Variants in FDXR observed in about 807,000 individuals in gnomAD.
FDXR encodes ferredoxin reductase.
A neutral mutation model predicts 58.3 loss-of-function variants in FDXR; 38 were observed. That is an observed-to-expected ratio of 0.65 (90% CI 0.50 to 0.85). The LOEUF is 0.85. Among genes scored for constraint, FDXR ranks in the 40% least tolerant of loss-of-function variants. The pLI is 0.00. For missense variants in FDXR, 624 were observed against 671.0 expected, an observed-to-expected ratio of 0.93 and a Z score of 0.77; for synonymous variants, 275 against 273.8, an observed-to-expected ratio of 1.00 and a Z score of -0.04.
intron 10 of FDXR, 103 bp downstream of exon 10, chr17:74,863,793 T>G: frequency 1.4e-6 from 2 of 1,424,118 alleles, no homozygotes; most frequent in Non-Finnish European, 1.9e-6. Context: ...TGCAGAAGCT[T>G]CTCAGTACAT....
intron 2 of FDXR, among the ~76,000 whole-genome samples, chr17:74,869,735 G>A (rs551109210): frequency 6.6e-6 from 1 of 152,080 alleles, no homozygotes; most frequent in East Asian, 1.9e-4. Context: ...CTCCACATTC[G>A]AATGTCAGGT....
chr17:74,869,384 A>G (rs1268620071), intron 2 of FDXR, among the ~76,000 whole-genome samples: 1 of 152,152 alleles, frequency 6.6e-6, no homozygotes, highest in African/African-American at 2.4e-5. Context: ...TCCCAGCGAA[A>G]CCTGCCTCCA....
chr17:74,865,661 C>T lies in FDXR; in HGVS notation c.609+58G>A, dbSNP rs992934498. The stretch of plus-strand genomic sequence containing the variant: ...AAGGCCTGAACCCTGCAGACAAGGG[C>T]ACTCTCTCCTCAGGGTGACCCCACC... On this transcript the variant is annotated intron_variant, in intron 6 of 11. Coordinates refer to ENST00000293195, the MANE Select transcript of FDXR (RefSeq NM_024417.5). 17 of 1,189,362 alleles carry T rather than the reference C, an allele frequency of 1.4e-5. No individual in the cohort carries two copies. In the Middle Eastern group the frequency reaches 1.6e-3, roughly 114 times the overall value. 73.7% of individuals were successfully genotyped at this position (1,189,362 alleles called of 1,614,324 possible). A position where few individuals can be genotyped will look rare whatever the true frequency, so the allele number is the denominator to read the frequency against.
At chr17:74,871,001 C>T (rs1032341258) in intron 2 of FDXR, among the ~76,000 whole-genome samples, 3 of 152,008 alleles carry the variant, frequency 2.0e-5, no homozygotes. Flanking sequence ...TGGGGTTTCA[C>T]CACGTTGGCC....
At position 74,864,464 on chromosome 17, in the gene FDXR, G is replaced by C. The variant is rs2038095526; in HGVS notation, c.802+16C>G. 6.2e-7 allele frequency: 1 copy of C among 1,612,224 alleles called. No individual in the cohort carries two copies. Among genetic ancestry groups the C allele is most frequent in the Non-Finnish European group, 8.5e-7 (1 of 1,178,344 alleles). Reference sequence around the variant, plus strand: ...CCTCTCCCTAGTAGTTGGGGGGCCAGGCCAGGGCCCCTCACCCTTGATCTT... The same window carrying C: ...CCTCTCCCTAGTAGTTGGGGGGCCACGCCAGGGCCCCTCACCCTTGATCTT... On this transcript the variant is annotated intron_variant, in intron 8 of 11. Transcript: ENST00000293195.
At chr17:74,868,166 T>A in intron 2 of FDXR, 7 of 210,630 alleles carry the variant, frequency 3.3e-5, no homozygotes, top group East Asian at 1.1e-4. Flanking sequence ...CCTCTCTCCA[T>A]CCCAGGCCAG....
At chr17:74,871,975 T>G in intron 2 of FDXR, 61 bp downstream of exon 2, 31 of 1,337,964 alleles carry the variant, frequency 2.3e-5, no homozygotes, top group Non-Finnish European at 2.9e-5. Context: ...CCAAAGCGGG[T>G]GAGGCTTGCC....
Position 74,865,806 on chromosome 17 carries a change from C to A in FDXR, c.522G>T (p.Leu174=), listed in dbSNP as rs1340414613. The change falls in exon 6 of 12, where the codon CTG becomes CTT. Residue 174 remains leucine (L), a synonymous_variant. Coordinates refer to ENST00000293195, the MANE Select transcript of FDXR (RefSeq NM_024417.5). The part of the protein sequence containing the change: ...LPENQELEPD[L]SCDTAVILGQ... ...CCAGAATCACGGCTGTGTCACAGCT[C>A]AGGTCTGGCTCCAGCTGGAGGGGAA... 1.9e-6 allele frequency: 3 copies of A among 1,613,388 alleles called. No homozygotes were observed. The highest frequency in any genetic ancestry group is 2.5e-6 in the Non-Finnish European group (3 of 1,179,800).
At chr17:74,870,797 CTTTT>C (rs200476203) in intron 2 of FDXR, among the ~76,000 whole-genome samples, 1 of 88,430 alleles carries the variant, frequency 1.1e-5, no homozygotes, top group Non-Finnish European at 2.1e-5. Flanking sequence ...CACTGTCTCT[CTTTT>C]TTTTTTTTTT....
In FDXR at chr17:74,865,775, C is replaced by A; in HGVS notation, c.553G>T (p.Gly185Trp). 1 of 1,613,794 alleles carries A rather than the reference C, an allele frequency of 6.2e-7. No individual in the cohort carries two copies. The highest frequency in any genetic ancestry group is 8.5e-7 in the Non-Finnish European group (1 of 1,179,982). Residue 185 changes from glycine (G) to tryptophan (W), a missense_variant, in exon 6 of 12, where the codon GGG becomes TGG. Transcript: ENST00000293195. ...CGGGCCACGTCCAGAGCCACGTTCC[C>A]CTGCCCCAGAATCACGGCTGTGTCA... ...SCDTAVILGQ[G>W]NVALDVARIL... is the part of the protein sequence containing the mutation.
chr17:74,871,101 C>A (rs779579590), intron 2 of FDXR, among the ~76,000 whole-genome samples: 1 of 152,154 alleles, frequency 6.6e-6, no homozygotes, highest in Non-Finnish European at 1.5e-5. Flanking sequence ...CCTGGGCTTC[C>A]GGCCCAGGAA....
chr17:74,872,516 C>T lies in FDXR; in HGVS notation c.79+350G>A, dbSNP rs117840207. ...AACCCCTCTCTCTCTCCACAAAACG[C>T]TATATTGCCCATATAGACCCGTCTT... is the stretch of plus-strand genomic sequence containing the variant. On this transcript the variant is annotated intron_variant, in intron 1 of 11. Transcript: ENST00000293195. The T allele has an allele frequency of 4.0e-5, 25 of 618,114 alleles. No individual in the cohort carries two copies. In the East Asian group the frequency reaches 6.7e-4, roughly 16 times the overall value. The allele number at this position is 618,114 out of a possible 1,614,324, so 38.3% of individuals were successfully genotyped here.
chr17:74,862,820 G>T lies in FDXR; in HGVS notation c.1473C>A (p.His491Gln). Residue 491 changes from histidine to glutamine, a missense_variant, in exon 12 of 12, where the codon CAC becomes CAA. Coordinates refer to ENST00000293195, the MANE Select transcript of FDXR (RefSeq NM_024417.5). Reference sequence around the variant, plus strand: ...GGGGCCGGGGCTGGGGCTGGGCTCAGTGGCCCAGGAGGCGCAGCATCTCCT... The same window carrying T: ...GGGGCCGGGGCTGGGGCTGGGCTCATTGGCCCAGGAGGCGCAGCATCTCCT... ...DPQEMLRLLGH is the reference protein window; with the variant it reads ...DPQEMLRLLGQ The T allele has an allele frequency of 6.2e-7, 1 of 1,609,360 alleles. No individual in the cohort carries two copies. Among genetic ancestry groups the T allele is most frequent in the Admixed American group, 1.7e-5 (1 of 59,996 alleles).
intron 2 of FDXR, among the ~76,000 whole-genome samples, chr17:74,869,243 G>A (rs2038293609): frequency 6.6e-6 from 1 of 152,212 alleles, no homozygotes; most frequent in Non-Finnish European, 1.5e-5. Flanking sequence ...ATCCTTCGGG[G>A]TGTTTAACAT....
At chr17:74,865,074 G>A in intron 6 of FDXR, 143 bp from the exon 7 acceptor site, 1 of 1,107,576 alleles carries the variant, frequency 9.0e-7, no homozygotes, top group East Asian at 2.5e-5. Context: ...GCCAGATGGA[G>A]CATTGCTGCC....
intron 2 of FDXR, chr17:74,867,104 C>T (rs943614913): frequency 1.6e-5 from 13 of 822,404 alleles, no homozygotes; most frequent in East Asian, 8.2e-5. Context: ...GTCAGGAGTT[C>T]GAGACCAGCC....
In FDXR at chr17:74,864,346, C is replaced by T. The variant is rs758443678; in HGVS notation, c.804G>A (p.Glu268=). The T allele has an allele frequency of 6.3e-7, 1 of 1,576,074 alleles. No homozygotes were observed. ...TCAGCCGCTTCCTCGGGCGGGGGACCTCTGTCAGCAACGTAGAATGTCTCC... is the reference window on the plus strand; with the variant it reads ...TCAGCCGCTTCCTCGGGCGGGGGACTTCTGTCAGCAACGTAGAATGTCTCC... The part of the protein sequence containing the change: ...DFLGLQDKIK[E]VPRPRKRLTE... Residue 268 remains glutamate (E), a splice_region_variant and synonymous_variant, in exon 9 of 12, where the codon GAG becomes GAA. Transcript: ENST00000293195.
intron 2 of FDXR, chr17:74,870,134 C>G: frequency 2.8e-6 from 1 of 352,290 alleles, no homozygotes; most frequent in South Asian, 2.0e-5. Context: ...AGGATCAGAA[C>G]AAGGATTGTA....
chr17:74,866,990 A>G, intron 2 of FDXR, 114 bp from the exon 3 acceptor site: 1 of 1,516,636 alleles, frequency 6.6e-7, no homozygotes, highest in Non-Finnish European at 8.9e-7. Context: ...GGCTGAGAAC[A>G]CAAGGCTTCC....
Sources: allele counts gnomAD v4.1 joint callset (sites outside exome capture counted in the v4.1 genomes callset), GRCh38; gene constraint gnomAD v4.1.1; transcripts MANE v1.5; gene names NCBI Gene and HGNC (gene_info 2026-07-23, HGNC 2026-07-21).